Variants in RALGAPA1 observed in about 807,000 individuals in gnomAD.
RALGAPA1 encodes ral GTPase-activating protein subunit alpha-1.
RALGAPA1 carries 52 observed loss-of-function variants against 269.6 expected under a neutral mutation model. That is an observed-to-expected ratio of 0.19 (90% CI 0.15 to 0.24). The LOEUF is 0.24. RALGAPA1 is among the 10% of genes least tolerant of loss of function. The probability of loss-of-function intolerance (pLI) is 1.00; values close to 1 mark genes in which losing one functional copy is unlikely to be tolerated. For synonymous variants in RALGAPA1, 817 were observed against 1,008.3 expected (o/e 0.81, Z 3.60); for missense variants, 1,917 against 3,013.9 (o/e 0.64, Z 8.52).
rs944825956 is a variant in RALGAPA1, at chr14:35,689,830, C to A, written c.2581G>T (p.Val861Phe). Residue 861 changes from valine to phenylalanine, a missense_variant, in exon 18 of 42, where the codon GTT (valine) becomes TTT (phenylalanine). By Grantham distance (50) the Val-to-Phe change is conservative. This residue lies in a region of RALGAPA1 where 615 missense variants were observed against 790.0 expected (regional missense o/e 0.78). Transcript: ENST00000680220. ...CGGGATGAACTGTCAATGACAGGAA[C>A]TGCACCTTTGGCTCGTTCAACAGTG... ...PFTVERAKGA[V>F]PVIDSSSRHA... The A allele has an allele frequency of 6.3e-6, 10 of 1,590,128 alleles. No homozygotes were observed. Among genetic ancestry groups the A allele is most frequent in the Non-Finnish European group, 8.5e-6 (10 of 1,172,076 alleles).
chr14:35,727,075 C>A (rs951689936), intron 13 of RALGAPA1, among the ~76,000 whole-genome samples: 1 of 151,746 alleles, frequency 6.6e-6, no homozygotes, highest in Admixed American at 6.6e-5. Context: ...AGTAAAGAAT[C>A]TTTTCAAAAT....
rs8019385 is a variant in RALGAPA1, at chr14:35,626,474, C to A, written c.6857+616G>T. The stretch of plus-strand genomic sequence containing the variant: ...TAATGCTTTACATTAGTGTACAATG[C>A]CAGTGTTTTATATACATTATCTGAT... On this transcript the variant is annotated intron_variant, in intron 34 of 41. Coordinates refer to ENST00000680220, the MANE Select transcript of RALGAPA1 (RefSeq NM_001346249.2). Among the ~76,000 whole-genome samples the A allele has an allele frequency of 3.4e-3, 524 of 152,134 alleles. 2 individuals carry two copies. The highest frequency in any genetic ancestry group is 0.012 in the African/African-American group (499 of 41,500).
In RALGAPA1 at chr14:35,664,645, A is replaced by C; in HGVS notation, c.5325T>G (p.Val1775=). 1.2e-6 allele frequency: 2 copies of C among 1,605,190 alleles called. No individual in the cohort carries two copies. Among genetic ancestry groups the C allele is most frequent in the Non-Finnish European group, 1.7e-6 (2 of 1,176,692 alleles). Residue 1775 remains valine (V), a synonymous_variant, in exon 27 of 42, where the codon GTT becomes GTG. Transcript: ENST00000680220. ...PDVAVSQFTD[V]KELIIKTVLS... ...AAATTAGCATCTCATTTCTTACCTTAACATCTGTAAACTGAGACACAGCAA... is the reference window on the plus strand; with the variant it reads ...AAATTAGCATCTCATTTCTTACCTTCACATCTGTAAACTGAGACACAGCAA...
intron 37 of RALGAPA1, among the ~76,000 whole-genome samples, chr14:35,594,727 A>G (rs572944538): frequency 3.9e-5 from 6 of 152,046 alleles, no homozygotes; most frequent in African/African-American, 1.4e-4. Flanking sequence ...TTATGAAAAA[A>G]AAAAAAAAAG....
chr14:35,699,173 G>A (rs1042296352), intron 17 of RALGAPA1, among the ~76,000 whole-genome samples: 1 of 152,076 alleles, frequency 6.6e-6, no homozygotes, highest in Admixed American at 6.5e-5. Flanking sequence ...TTATATTATG[G>A]TTCCAAAGTT....
chr14:35,797,582 A>G (rs1478013626), intron 1 of RALGAPA1, among the ~76,000 whole-genome samples: 1 of 151,962 alleles, frequency 6.6e-6, no homozygotes, highest in Non-Finnish European at 1.5e-5. Flanking sequence ...GCAGTGGCTC[A>G]CGCCTGTAAT....
At chr14:35,608,310 CA>C (rs968082370) in intron 35 of RALGAPA1, among the ~76,000 whole-genome samples, 1 of 152,040 alleles carries the variant, frequency 6.6e-6, no homozygotes, top group African/African-American at 2.4e-5. Context: ...AAACTTTGAC[CA>C]ATAAGTACGT....
chr14:35,554,254 T>C (rs2055322365), intron 39 of RALGAPA1, among the ~76,000 whole-genome samples: 1 of 152,048 alleles, frequency 6.6e-6, no homozygotes, highest in Admixed American at 6.6e-5. Flanking sequence ...TCATACATCT[T>C]GAAGATTGCT....
At chr14:35,602,453 T>C (rs1007815560) in intron 36 of RALGAPA1, among the ~76,000 whole-genome samples, 1 of 152,198 alleles carries the variant, frequency 6.6e-6, no homozygotes, top group Non-Finnish European at 1.5e-5. Flanking sequence ...GGGTTCAGAT[T>C]GCTCCTAATC....
chr14:35,650,204 G>A (rs2062724981), intron 31 of RALGAPA1, among the ~76,000 whole-genome samples: 1 of 151,416 alleles, frequency 6.6e-6, no homozygotes. Context: ...AGACCCCCCC[G>A]CCCCCGACAC....
chr14:35,727,348 G>T lies in RALGAPA1; in HGVS notation c.1736+1014C>A, dbSNP rs1026378621. Among the ~76,000 whole-genome samples the T allele has an allele frequency of 1.5e-3, 143 of 92,452 alleles. No individual in the cohort carries two copies. The Middle Eastern group carries it at 0.017, about 11-fold the overall frequency. The allele number at this position is 92,452 out of a possible 152,430, so 60.7% of individuals were successfully genotyped here. On this transcript the variant is annotated intron_variant, in intron 13 of 41. Transcript: ENST00000680220. ...ATATATATATATATATATATATATA[G>T]TATAATACTATATAACTGTGTGTGT...
intron 39 of RALGAPA1, among the ~76,000 whole-genome samples, chr14:35,564,933 A>G (rs1566694640): frequency 1.3e-5 from 2 of 152,166 alleles, no homozygotes; most frequent in Non-Finnish European, 2.9e-5. Context: ...CATTTTATCT[A>G]TAACCCTACC....
intron 39 of RALGAPA1, among the ~76,000 whole-genome samples, chr14:35,564,795 C>A (rs2056561679): frequency 1.3e-5 from 2 of 152,096 alleles, no homozygotes; most frequent in South Asian, 4.1e-4. Context: ...CTATAAATTA[C>A]AAGAATTAAA....
At chr14:35,682,215 A>G (rs2065500917) in intron 21 of RALGAPA1, among the ~76,000 whole-genome samples, 1 of 152,140 alleles carries the variant, frequency 6.6e-6, no homozygotes, top group African/African-American at 2.4e-5. Flanking sequence ...ATTTTCCCAG[A>G]GTGACTTGAT....
In RALGAPA1 at chr14:35,660,272, C is replaced by G. The variant is rs372016064; in HGVS notation, c.5329-1076G>C. Among the ~76,000 whole-genome samples, 11 of 152,038 alleles carry G rather than the reference C, an allele frequency of 7.2e-5. No homozygotes were observed. The South Asian group carries it at 1.7e-3, about 23-fold the overall frequency. ...TAATATATAAAAAACCCTACAGACT[C>G]CACCAAAAAACTGTTAGAACTAATA... is the stretch of plus-strand genomic sequence containing the variant. On this transcript the variant is annotated intron_variant, in intron 27 of 41. Transcript: ENST00000680220.
At chr14:35,615,789 G>C (rs1267196105) in intron 35 of RALGAPA1, among the ~76,000 whole-genome samples, 4 of 152,084 alleles carry the variant, frequency 2.6e-5, no homozygotes, top group Non-Finnish European at 4.4e-5. Context: ...AAATAAAAAA[G>C]CATAAGGTAA....
At chr14:35,698,325 C>G (rs1405882062) in intron 17 of RALGAPA1, among the ~76,000 whole-genome samples, 2 of 152,136 alleles carry the variant, frequency 1.3e-5, no homozygotes, top group African/African-American at 4.8e-5. Flanking sequence ...TGGCACCACT[C>G]TAAAATATTT....
At chr14:35,581,989 C>T (rs2057979952) in intron 37 of RALGAPA1, among the ~76,000 whole-genome samples, 1 of 152,100 alleles carries the variant, frequency 6.6e-6, no homozygotes. Flanking sequence ...CAATTTCCAG[C>T]CACAGATGAA....
At chr14:35,701,943 C>T (rs926809996) in intron 16 of RALGAPA1, among the ~76,000 whole-genome samples, 1 of 152,168 alleles carries the variant, frequency 6.6e-6, no homozygotes, top group Non-Finnish European at 1.5e-5. Context: ...GTCACCATGG[C>T]CAGTCCCTGA....
Sources: allele counts gnomAD v4.1 joint callset (sites outside exome capture counted in the v4.1 genomes callset), GRCh38; gene constraint gnomAD v4.1.1; regional missense constraint gnomAD v4.1.1; transcripts MANE v1.5; gene names NCBI Gene and HGNC (gene_info 2026-07-23, HGNC 2026-07-21).